Variants in HTR4 observed in about 807,000 individuals in gnomAD.
HTR4 encodes 5-hydroxytryptamine (serotonin) receptor 4, G protein-coupled.
HTR4 carries 16 observed loss-of-function variants against 36.8 expected under a neutral mutation model. The ratio of observed to expected loss-of-function variants is 0.43; its 90% CI spans 0.29 to 0.66. The LOEUF (loss-of-function observed/expected upper bound fraction) is 0.66, where lower values mean the gene tolerates loss of function less well. HTR4 is among the 30% of genes least tolerant of loss of function. HTR4 has a pLI of 0.13. For missense variants in HTR4, 438 were observed against 490.9 expected (o/e 0.89, Z 1.02); for synonymous variants, 189 against 185.1 (o/e 1.02, Z -0.17).
At chr5:148,534,423 C>T (rs1758714349) in intron 4 of HTR4, among the ~76,000 whole-genome samples, 1 of 152,170 alleles carries the variant, frequency 6.6e-6, no homozygotes, top group South Asian at 2.1e-4. Flanking sequence ...GGTACCTGTT[C>T]CCATATCTCC....
chr5:148,506,828 C>T (rs1356973875), intron 6 of HTR4, among the ~76,000 whole-genome samples: 1 of 152,150 alleles, frequency 6.6e-6, no homozygotes, highest in African/African-American at 2.4e-5. Context: ...AATGAGATAC[C>T]ATCTCACACC....
intron 2 of HTR4, among the ~76,000 whole-genome samples, chr5:148,615,540 GGA>G (rs1211192948): frequency 1.9e-5 from 2 of 105,390 alleles, no homozygotes; most frequent in Non-Finnish European, 3.6e-5. Context: ...TGGGGTGGGG[GGA>G]GGGGGGAGGG....
rs138848354 is a variant in HTR4 at position 148,651,618 on chromosome 5, A to G, written c.-48+2444T>C. 6.6e-5 allele frequency among the ~76,000 whole-genome samples: 10 copies of G among 152,244 alleles called. No homozygotes were observed. In the East Asian group the frequency reaches 1.9e-3, roughly 29 times the overall value. On this transcript the variant is annotated intron_variant, in intron 1 of 6. Coordinates refer to ENST00000377888, the MANE Select transcript of HTR4 (RefSeq NM_000870.7). ...TGATGCAGAGCACAGTCCTCACAAC[A>G]ACGAACCATCTAGCTCAAAATTCCA...
At chr5:148,547,510 C>T (rs1339253439) in intron 4 of HTR4, among the ~76,000 whole-genome samples, 1 of 112,380 alleles carries the variant, frequency 8.9e-6, no homozygotes, top group Non-Finnish European at 1.9e-5. Flanking sequence ...CAGAGCAAGA[C>T]TTGGTCTCAA....
intron 6 of HTR4, among the ~76,000 whole-genome samples, chr5:148,489,503 G>A (rs947997876): frequency 2.0e-5 from 3 of 152,154 alleles, no homozygotes; most frequent in African/African-American, 7.2e-5. Context: ...CCTAAAGAAG[G>A]GCAAGTGGGT....
In HTR4 at chr5:148,586,751, G is replaced by A. The variant is rs147895064; in HGVS notation, c.27-36489C>T. Among the ~76,000 whole-genome samples, 648 of 152,210 alleles carry A rather than the reference G, an allele frequency of 4.3e-3. 1 individual carries two copies. Among genetic ancestry groups the A allele is most frequent in the Middle Eastern group, 6.8e-3 (2 of 294 alleles). ...GACTGAATTAACTGATGTGTAGACAGGGCGAAGTTGGGGGTAAAATCTATC... is the reference window on the plus strand; with the variant it reads ...GACTGAATTAACTGATGTGTAGACAAGGCGAAGTTGGGGGTAAAATCTATC... On this transcript the variant is annotated intron_variant, in intron 2 of 6. Coordinates refer to ENST00000377888, the MANE Select transcript of HTR4 (RefSeq NM_000870.7).
chr5:148,627,378 C>T (rs915307468), intron 2 of HTR4, among the ~76,000 whole-genome samples: 2 of 152,090 alleles, frequency 1.3e-5, no homozygotes, highest in African/African-American at 4.8e-5. Flanking sequence ...CTAATGTATC[C>T]ATTTCCACAT....
chr5:148,623,450 G>C (rs1209470920), intron 2 of HTR4, among the ~76,000 whole-genome samples: 2 of 152,122 alleles, frequency 1.3e-5, no homozygotes, highest in Non-Finnish European at 2.9e-5. Flanking sequence ...CACAGAAAAT[G>C]AGGGGAGTAA....
At chr5:148,625,900 GA>G (rs1753085014) in intron 2 of HTR4, among the ~76,000 whole-genome samples, 1 of 140,558 alleles carries the variant, frequency 7.1e-6, no homozygotes, top group South Asian at 2.3e-4. Context: ...TTTTTTTTTT[GA>G]AGTGGATCGA....
chr5:148,603,601 C>T (rs537244078), intron 2 of HTR4, among the ~76,000 whole-genome samples: 37 of 152,030 alleles, frequency 2.4e-4, no homozygotes, highest in Non-Finnish European at 4.6e-4. Flanking sequence ...ATTTACAAAA[C>T]GCATGGCTCT....
At chr5:148,514,258 G>A (rs1178770473) in intron 5 of HTR4, among the ~76,000 whole-genome samples, 1 of 151,958 alleles carries the variant, frequency 6.6e-6, no homozygotes, top group Non-Finnish European at 1.5e-5. Context: ...CCCTCTACTT[G>A]GTTAAGGAAA....
intron 6 of HTR4, among the ~76,000 whole-genome samples, chr5:148,508,872 C>G (rs1757352344): frequency 2.6e-5 from 4 of 151,854 alleles, no homozygotes; most frequent in Admixed American, 2.6e-4. Context: ...AATATATTAT[C>G]TCTACTCATC....
intron 2 of HTR4, among the ~76,000 whole-genome samples, chr5:148,633,567 C>A (rs1487003532): frequency 7.4e-6 from 1 of 135,270 alleles, no homozygotes; most frequent in Non-Finnish European, 1.6e-5. Flanking sequence ...CTGTGATGTT[C>A]CCCTTCCTGT....
intron 1 of HTR4, among the ~76,000 whole-genome samples, chr5:148,650,563 CAG>C (rs1754003216): frequency 6.6e-6 from 1 of 151,980 alleles, no homozygotes; most frequent in Non-Finnish European, 1.5e-5. Context: ...AGAATAAAGA[CAG>C]AGTTTTTTTT....
In HTR4 at chr5:148,564,309, A is replaced by T. The variant is rs868671663; in HGVS notation, c.27-14047T>A. Among the ~76,000 whole-genome samples, 20 of 152,112 alleles carry T rather than the reference A, an allele frequency of 1.3e-4. No homozygotes were observed. In the South Asian group the frequency reaches 3.3e-3, roughly 25 times the overall value. On this transcript the variant is annotated intron_variant, in intron 2 of 6. Transcript: ENST00000377888. ...CTTCAGCACTCAGCTTAAACATCTT[A>T]TTGTCTGGGAAGCCATCCTGACCTC...
Position 148,452,346 on chromosome 5 carries a change from C to T in HTR4, c.1077-1074G>A, listed in dbSNP as rs1486375060. On this transcript the variant is annotated intron_variant, in intron 5 of 5. Coordinates refer to the HTR4 transcript ENST00000521530. ...AAACCCACTCTAGCTCATGCCAATA[C>T]CCATGTGTTTAACTGGTTCTCACAA... Among the ~76,000 whole-genome samples the T allele has an allele frequency of 2.0e-5, 3 of 152,160 alleles. No individual in the cohort carries two copies. In the East Asian group the frequency reaches 5.8e-4, roughly 29 times the overall value.
Position 148,573,408 on chromosome 5 carries a change from T to C in HTR4, c.27-23146A>G, listed in dbSNP as rs571827577. Reference sequence around the variant, plus strand: ...GTGCATTGTCAGGAGGCTCTGCTCATCTCATTCCCTCTGTGATCCAGAAAG... The same window carrying C: ...GTGCATTGTCAGGAGGCTCTGCTCACCTCATTCCCTCTGTGATCCAGAAAG... On this transcript the variant is annotated intron_variant, in intron 2 of 6. Transcript: ENST00000377888. Among the ~76,000 whole-genome samples the C allele has an allele frequency of 7.9e-5, 12 of 152,178 alleles. No individual in the cohort carries two copies. In the South Asian group the frequency reaches 2.5e-3, roughly 32 times the overall value.
intron 2 of HTR4, among the ~76,000 whole-genome samples, chr5:148,616,809 C>T (rs1395578825): frequency 2.0e-5 from 3 of 152,070 alleles, no homozygotes; most frequent in African/African-American, 7.2e-5. Flanking sequence ...TATAACTTAC[C>T]TTATAAACTC....
chr5:148,631,380 A>T (rs1485619742), intron 2 of HTR4, among the ~76,000 whole-genome samples: 1 of 152,140 alleles, frequency 6.6e-6, no homozygotes, highest in Admixed American at 6.6e-5. Context: ...CTGAAGAGAG[A>T]TTTCCTGCAA....
Sources: allele counts gnomAD v4.1 joint callset (sites outside exome capture counted in the v4.1 genomes callset), GRCh38; gene constraint gnomAD v4.1.1; transcripts MANE v1.5; gene names NCBI Gene and HGNC (gene_info 2026-07-23, HGNC 2026-07-21).